ARB2A: variants seen among roughly 807,000 people sequenced by gnomAD.
ARB2A encodes cotranscriptional regulator ARB2A.
At chr5:93,776,200 G>T in the ARB2A span, 1 of 1,612,154 alleles carries the variant, frequency 6.2e-7, no homozygotes, top group Non-Finnish European at 8.5e-7. Flanking sequence ...GGACTCCACT[G>T]ATGTGTCTAA....
chr5:93,695,208 G>A, the ARB2A span, among the ~76,000 whole-genome samples: 1 of 152,042 alleles, frequency 6.6e-6, no homozygotes, highest in African/African-American at 2.4e-5. Flanking sequence ...TTAAACTAAA[G>A]AGCTTCTGCA....
the ARB2A span, among the ~76,000 whole-genome samples, chr5:93,725,865 C>T: frequency 6.6e-6 from 1 of 152,060 alleles, no homozygotes; most frequent in African/African-American, 2.4e-5. Context: ...GTCTGTGGTA[C>T]CAATGCCAGT....
chr5:93,709,632 C>CAAAAAAA, the ARB2A span, among the ~76,000 whole-genome samples: 5 of 41,672 alleles, frequency 1.2e-4, no homozygotes, highest in African/African-American at 2.2e-4. Context: ...GACTCTGTCA[C>CAAAAAAA]AAAAAAAAAA....
the ARB2A span, among the ~76,000 whole-genome samples, chr5:93,887,266 A>G: frequency 3.3e-5 from 5 of 151,516 alleles, no homozygotes; most frequent in African/African-American, 1.2e-4. Flanking sequence ...TAAAAAAAAA[A>G]AAAAGAAAAG....
the ARB2A span, among the ~76,000 whole-genome samples, chr5:93,910,536 A>G: frequency 5.9e-5 from 9 of 151,424 alleles, no homozygotes. Flanking sequence ...GACAGCAAGA[A>G]ACATGCCATA....
the ARB2A span, among the ~76,000 whole-genome samples, chr5:93,998,031 G>A: frequency 6.6e-6 from 1 of 151,712 alleles, no homozygotes; most frequent in South Asian, 2.1e-4. Flanking sequence ...AGAGAAATAT[G>A]TGGATGCATG....
At chr5:93,826,263 C>CT in the ARB2A span, among the ~76,000 whole-genome samples, 1 of 152,186 alleles carries the variant, frequency 6.6e-6, no homozygotes, top group Non-Finnish European at 1.5e-5. Context: ...AGCTTGAACA[C>CT]TAAAAGACTC....
At chr5:94,026,608 GA>G in the ARB2A span, among the ~76,000 whole-genome samples, 1 of 152,308 alleles carries the variant, frequency 6.6e-6, no homozygotes, top group South Asian at 2.1e-4. Flanking sequence ...ACAGTGTAAA[GA>G]ACCAATTAGG....
At chr5:93,743,518 T>A in the ARB2A span, 66 of 983,834 alleles carry the variant, frequency 6.7e-5, no homozygotes, top group Non-Finnish European at 8.0e-5. Flanking sequence ...TGGTATCTAT[T>A]CTCTTGAGGT....
At chr5:93,708,930 T>C in the ARB2A span, among the ~76,000 whole-genome samples, 2 of 152,160 alleles carry the variant, frequency 1.3e-5, no homozygotes, top group Non-Finnish European at 2.9e-5. Flanking sequence ...GATTTATTAG[T>C]TCTGGGGATC....
At chr5:93,832,564 T>C in the ARB2A span, among the ~76,000 whole-genome samples, 2 of 152,204 alleles carry the variant, frequency 1.3e-5, no homozygotes, top group Admixed American at 6.5e-5. Flanking sequence ...GTGGGAGTGC[T>C]GGCCTTAGCT....
At chr5:93,813,262 G>C in the ARB2A span, among the ~76,000 whole-genome samples, 1 of 152,202 alleles carries the variant, frequency 6.6e-6, no homozygotes, top group African/African-American at 2.4e-5. Flanking sequence ...TTGAGATAAA[G>C]TGGCAAAGAA....
chr5:93,664,227 C>T, the ARB2A span, among the ~76,000 whole-genome samples: 13 of 152,098 alleles, frequency 8.5e-5, no homozygotes, highest in Admixed American at 3.3e-4. Flanking sequence ...ACTACAGGTG[C>T]GTGCCACCAT....
the ARB2A span, among the ~76,000 whole-genome samples, chr5:93,945,881 C>A: frequency 2.0e-5 from 3 of 151,944 alleles, no homozygotes; most frequent in Non-Finnish European, 2.9e-5. Context: ...CTTCTTAACA[C>A]CAGGGAGAAG....
the ARB2A span, among the ~76,000 whole-genome samples, chr5:93,872,612 T>G: frequency 6.6e-6 from 1 of 152,056 alleles, no homozygotes; most frequent in Non-Finnish European, 1.5e-5. Flanking sequence ...GAAGGCTGGG[T>G]ACACTTAATA....
the ARB2A span, among the ~76,000 whole-genome samples, chr5:94,105,598 C>G: frequency 6.6e-6 from 1 of 151,952 alleles, no homozygotes; most frequent in African/African-American, 2.4e-5. Flanking sequence ...ATCAAGCTAC[C>G]AATGACATTT....
At chr5:93,938,903 T>C in the ARB2A span, among the ~76,000 whole-genome samples, 1 of 152,222 alleles carries the variant, frequency 6.6e-6, no homozygotes, top group Admixed American at 6.5e-5. Context: ...TTTTAAGCCA[T>C]TACAATACCA....
the ARB2A span, among the ~76,000 whole-genome samples, chr5:93,854,756 A>G: frequency 6.6e-6 from 1 of 152,062 alleles, no homozygotes; most frequent in Non-Finnish European, 1.5e-5. Flanking sequence ...GTTTCCATGT[A>G]GTTGAGCAGT....
At chr5:93,763,792 T>G in the ARB2A span, among the ~76,000 whole-genome samples, 1 of 152,090 alleles carries the variant, frequency 6.6e-6, no homozygotes, top group Admixed American at 6.6e-5. Flanking sequence ...CACCACACAG[T>G]TGGAAGTAAA....
Sources: allele counts gnomAD v4.1 joint callset (sites outside exome capture counted in the v4.1 genomes callset), GRCh38; gene constraint gnomAD v4.1.1; transcripts MANE v1.5; gene names NCBI Gene and HGNC (gene_info 2026-07-23, HGNC 2026-07-21).